UTS2B: variants seen among roughly 807,000 people sequenced by gnomAD.
The protein encoded by UTS2B is urotensin 2B, also known as urotensin-2B.
Under a neutral mutation model 19.2 loss-of-function variants are expected in UTS2B, and 21 were observed. That is an observed-to-expected ratio of 1.09 (90% CI 0.78 to 1.58). The LOEUF is 1.58. Among genes scored for constraint, UTS2B ranks in the 40% most tolerant of loss-of-function variants. The pLI is 0.00. For synonymous variants in UTS2B, 57 were observed against 50.2 expected, an observed-to-expected ratio of 1.14 and a Z score of -0.58; for missense variants, 138 against 130.3, an observed-to-expected ratio of 1.06 and a Z score of -0.29.
At chr3:191,287,752 C>G (rs1465631973) in intron 4 of UTS2B, among the ~76,000 whole-genome samples, 1 of 151,488 alleles carries the variant, frequency 6.6e-6, no homozygotes, top group African/African-American at 2.4e-5. Flanking sequence ...GAAGTCCTAG[C>G]CAAAACAATC....
chr3:191,319,843 A>G (rs1380605228), intron 2 of UTS2B, among the ~76,000 whole-genome samples: 4 of 149,870 alleles, frequency 2.7e-5, no homozygotes, highest in Admixed American at 2.0e-4. Flanking sequence ...ACACCAGCCC[A>G]GGCAACAGTG....
intron 4 of UTS2B, among the ~76,000 whole-genome samples, chr3:191,300,109 G>T (rs1716956315): frequency 6.6e-6 from 1 of 151,962 alleles, no homozygotes; most frequent in African/African-American, 2.4e-5. Flanking sequence ...GGAGTGCGGT[G>T]GTGCAATCTC....
At chr3:191,319,673 C>T (rs956949032) in intron 2 of UTS2B, among the ~76,000 whole-genome samples, 20 of 148,000 alleles carry the variant, frequency 1.4e-4, no homozygotes, top group Non-Finnish European at 2.2e-4. Context: ...GCCTGGCCAA[C>T]GTGGTGAAAC....
intron 3 of UTS2B, among the ~76,000 whole-genome samples, chr3:191,313,021 T>G (rs1403302807): frequency 3.3e-5 from 5 of 152,026 alleles, no homozygotes; most frequent in Admixed American, 2.6e-4. Context: ...AAACAGGTTT[T>G]TTTTTTTTTT....
intron 4 of UTS2B, among the ~76,000 whole-genome samples, chr3:191,286,010 C>T (rs2603679): frequency 0.51 from 76,893 of 152,008 alleles, 21,191 homozygotes; most frequent in Middle Eastern, 0.63. Flanking sequence ...GACTTCAAGA[C>T]AAAAACTGTA....
chr3:191,326,358 G>A (rs1380067489), intron 2 of UTS2B, among the ~76,000 whole-genome samples: 1 of 151,898 alleles, frequency 6.6e-6, no homozygotes, highest in African/African-American at 2.4e-5. Flanking sequence ...TCTAACTGGG[G>A]GATGCTTTTG....
chr3:191,343,590 C>G, the UTS2B span, among the ~76,000 whole-genome samples: 15 of 152,166 alleles, frequency 9.9e-5, no homozygotes, highest in Non-Finnish European at 2.2e-4. Flanking sequence ...TAATTAGTTG[C>G]TAAGTTCATA....
At chr3:191,288,962 G>A (rs1413592721) in intron 4 of UTS2B, among the ~76,000 whole-genome samples, 1 of 152,104 alleles carries the variant, frequency 6.6e-6, no homozygotes, top group Non-Finnish European at 1.5e-5. Context: ...TTTTTGCACA[G>A]AAGTTAGTAT....
intron 2 of UTS2B, among the ~76,000 whole-genome samples, chr3:191,321,227 T>A (rs967375813): frequency 6.6e-6 from 1 of 152,176 alleles, no homozygotes; most frequent in Non-Finnish European, 1.5e-5. Context: ...TTAGTTTTTA[T>A]GTACAGTACA....
At chr3:191,285,367 A>G (rs1716507772) in intron 4 of UTS2B, among the ~76,000 whole-genome samples, 1 of 152,216 alleles carries the variant, frequency 6.6e-6, no homozygotes, top group African/African-American at 2.4e-5. Flanking sequence ...TATGGAATCA[A>G]AGCATACCAC....
intron 4 of UTS2B, among the ~76,000 whole-genome samples, chr3:191,285,164 A>G (rs1386932082): frequency 6.6e-6 from 1 of 152,218 alleles, no homozygotes; most frequent in East Asian, 1.9e-4. Context: ...GGAATACACA[A>G]TATAAAATTA....
chr3:191,328,887 A>G (rs1041866730), intron 1 of UTS2B, 178 bp from the exon 2 acceptor site: 1 of 151,984 alleles, frequency 6.6e-6, no homozygotes, highest in Non-Finnish European at 1.5e-5. Context: ...TACACACTCT[A>G]CTCCAAACTG....
chr3:191,313,063 C>T (rs866619724), intron 3 of UTS2B, among the ~76,000 whole-genome samples: 13 of 150,340 alleles, frequency 8.6e-5, no homozygotes, highest in Admixed American at 1.3e-4. Context: ...CAGGCTGGAG[C>T]GCAGTGGTGT....
intron 2 of UTS2B, among the ~76,000 whole-genome samples, chr3:191,326,398 T>C (rs753905047): frequency 1.9e-4 from 29 of 152,174 alleles, no homozygotes; most frequent in Admixed American, 5.9e-4. Context: ...AACTGGAGTT[T>C]TCATTTCTTA....
chr3:191,305,045 TG>T (rs1717100849), intron 3 of UTS2B, among the ~76,000 whole-genome samples: 1 of 152,218 alleles, frequency 6.6e-6, no homozygotes, highest in Admixed American at 6.5e-5. Context: ...ATGGTATATA[TG>T]TACATTTTAT....
At chr3:191,304,648 T>C (rs1215963305) in intron 3 of UTS2B, 100 bp from the exon 4 acceptor site, 1 of 152,226 alleles carries the variant, frequency 6.6e-6, no homozygotes, top group Non-Finnish European at 1.5e-5. Context: ...TAGCTATTTT[T>C]ATATTGATTG....
rs1229908073 is a variant in UTS2B, at chr3:191,268,396, T to A, written c.*20A>T. The A allele has an allele frequency of 1.3e-6, 2 of 1,553,672 alleles. No homozygotes were observed. Among genetic ancestry groups the A allele is most frequent in the Admixed American group, 1.7e-5 (1 of 57,390 alleles). On this transcript the variant is annotated 3_prime_UTR_variant, in exon 9 of 9. Coordinates refer to ENST00000340524, the MANE Select transcript of UTS2B (RefSeq NM_198152.5). ...ATTTTCCTGATATTCTTATCTTTTT[T>A]TGCATCCAGAGAAAAAGCTTTAAAC...
intron 2 of UTS2B, among the ~76,000 whole-genome samples, chr3:191,321,600 T>A (rs746970820): frequency 9.2e-5 from 14 of 152,222 alleles, no homozygotes; most frequent in South Asian, 2.1e-4. Flanking sequence ...GACTGTGTAG[T>A]CAGAACCCAT....
At chr3:191,335,894 G>A in the UTS2B span, among the ~76,000 whole-genome samples, 2 of 152,040 alleles carry the variant, frequency 1.3e-5, no homozygotes, top group Admixed American at 1.3e-4. Context: ...TCAAGATACA[G>A]AACAGTTCCT....
Sources: allele counts gnomAD v4.1 joint callset (sites outside exome capture counted in the v4.1 genomes callset), GRCh38; gene constraint gnomAD v4.1.1; transcripts MANE v1.5; gene names NCBI Gene and HGNC (gene_info 2026-07-23, HGNC 2026-07-21).